Variants in TAFAZZIN observed in about 807,000 individuals in gnomAD.
The protein encoded by TAFAZZIN is protein G4.5.
In TAFAZZIN, 6 loss-of-function variants were observed where a neutral mutation model predicts 27.3. The observed-to-expected ratio is 0.22, with a 90% CI of 0.12 to 0.43. The LOEUF (loss-of-function observed/expected upper bound fraction) is 0.43. TAFAZZIN is among the 20% of genes least tolerant of loss of function. TAFAZZIN has a pLI of 1.00. For missense variants in TAFAZZIN, 127 were observed against 244.5 expected (o/e 0.52, Z 3.21); for synonymous variants, 79 against 96.2 (o/e 0.82, Z 1.04).
At chrX:154,414,738 C>G (rs868922152) in intron 5 of TAFAZZIN, among the ~76,000 whole-genome samples, 1 of 106,858 alleles carries the variant, frequency 9.4e-6, no homozygotes, top group Non-Finnish European at 1.9e-5. Context: ...TGCCTGTAAT[C>G]CCAGCACTCT....
chrX:154,421,058 A>G lies in TAFAZZIN; in HGVS notation c.*54A>G. 2 of 1,082,389 alleles carry G rather than the reference A, an allele frequency of 1.8e-6. No individual in the cohort carries two copies. Among genetic ancestry groups the G allele is most frequent in the Non-Finnish European group, 2.6e-6 (2 of 782,036 alleles). 89.2% of individuals were successfully genotyped at this position (1,082,389 alleles called of 1,213,427 possible). A position where few individuals can be genotyped will look rare whatever the true frequency, so the allele number is the denominator to read the frequency against. On this transcript the variant is annotated 3_prime_UTR_variant, in exon 11 of 11. Coordinates refer to ENST00000601016, the MANE Select transcript of TAFAZZIN (RefSeq NM_000116.5). ...GCCCGCACAGAGCTGGGGCTGAGGG[A>G]TGGACTGATGCTTTTAGCTCAAACG...
At chrX:154,416,445 AAAAG>A (rs2148203095) in intron 5 of TAFAZZIN, among the ~76,000 whole-genome samples, 1 of 111,368 alleles carries the variant, frequency 9.0e-6, no homozygotes, top group South Asian at 3.7e-4. Flanking sequence ...AAAAAAAAAA[AAAAG>A]AGAGAGATAC....
At chrX:154,420,589 C>T in intron 9 of TAFAZZIN, 69 bp from the exon 10 acceptor site, 10 of 1,146,608 alleles carry the variant, frequency 8.7e-6, no homozygotes, top group Non-Finnish European at 1.2e-5. Context: ...CTTCTGGCTC[C>T]CGGGTTGCTT....
rs1290937755 is a variant in TAFAZZIN, at chrX:154,420,820, C to T, written c.778-83C>T. 5 of 1,180,429 alleles carry T rather than the reference C, an allele frequency of 4.2e-6. No individual in the cohort carries two copies. In the African/African-American group the frequency reaches 5.3e-5, roughly 13 times the overall value. Reference sequence around the variant, plus strand: ...CAGGGTGCCTCCACCCTCTCCATCCCGTCACCCTCCCAGGGCACCCTCCCA... The same window carrying T: ...CAGGGTGCCTCCACCCTCTCCATCCTGTCACCCTCCCAGGGCACCCTCCCA... On this transcript the variant is annotated intron_variant, in intron 10 of 10. Coordinates refer to ENST00000601016, the MANE Select transcript of TAFAZZIN (RefSeq NM_000116.5).
chrX:154,420,611 G>A lies in TAFAZZIN; in HGVS notation c.700-47G>A, dbSNP rs200164202. The A allele has an allele frequency of 1.7e-4, 197 of 1,192,801 alleles. No homozygotes were observed. In the African/African-American group the frequency reaches 2.9e-3, roughly 17 times the overall value. ...CTCCCGGGTTGCTTGGGCTGGGGCT[G>A]TGGGCACTCCTACTGCTCCTCATCA... On this transcript the variant is annotated intron_variant, in intron 9 of 10. Transcript: ENST00000601016.
At position 154,414,471 on chromosome X, in the gene TAFAZZIN, T is replaced by A. The variant is rs1375660855; in HGVS notation, c.460+281T>A. Among the ~76,000 whole-genome samples, 10 of 111,516 alleles carry A rather than the reference T, an allele frequency of 9.0e-5. No individual in the cohort carries two copies. The East Asian group carries it at 2.8e-3, about 31-fold the overall frequency. ...ACTTTGGGAGGCTGAGGCCAGCGGATCACGAGGTCAGGAGATCGAGACCAT... is the reference window on the plus strand; with the variant it reads ...ACTTTGGGAGGCTGAGGCCAGCGGAACACGAGGTCAGGAGATCGAGACCAT... On this transcript the variant is annotated intron_variant, in intron 5 of 10. Coordinates refer to ENST00000601016, the MANE Select transcript of TAFAZZIN (RefSeq NM_000116.5).
At position 154,421,466 on chromosome X, in the gene TAFAZZIN, T is replaced by C. The variant is rs113739437; in HGVS notation, c.*462T>C. 2.7e-5 allele frequency: 9 copies of C among 330,998 alleles called. No homozygotes were observed. Among genetic ancestry groups the C allele is most frequent in the African/African-American group, 5.2e-5 (2 of 38,107 alleles). 27.3% of individuals were successfully genotyped at this position (330,998 alleles called of 1,213,427 possible). ...GGCCACGTCTTCCTTCTGCCTGAGC[T>C]TCCCCCCCACCACAGGCCCTTTCCT... On this transcript the variant is annotated 3_prime_UTR_variant, in exon 11 of 11. Transcript: ENST00000601016.
Position 154,411,687 on chromosome X carries a change from AG to A in TAFAZZIN, c.-154del, listed in dbSNP as rs782530901. The A allele has an allele frequency of 5.7e-6, 3 of 529,500 alleles. No individual in the cohort carries two copies. The Admixed American group carries it at 8.2e-5, about 14-fold the overall frequency. 43.6% of individuals were successfully genotyped at this position (529,500 alleles called of 1,213,427 possible). A position where few individuals can be genotyped will look rare whatever the true frequency, so the allele number is the denominator to read the frequency against. ...GGCGCTGCTCCGGCCTGACCTGCGA[AG>A]GGACCTCGGTCCAGTCCCCTGTTGC... On this transcript the variant is annotated 5_prime_UTR_variant, in exon 1 of 11. Transcript: ENST00000601016.
At chrX:154,413,441 G>A (rs782410816) in intron 3 of TAFAZZIN, 41 bp from the exon 4 acceptor site, 4 of 1,207,589 alleles carry the variant, frequency 3.3e-6, no homozygotes, top group Non-Finnish European at 4.5e-6. Flanking sequence ...TGGTGGAGCG[G>A]GGTGCAGGGG....
intron 5 of TAFAZZIN, 24 bp downstream of exon 5, chrX:154,414,214 A>T (rs924295944): frequency 1.7e-6 from 2 of 1,178,001 alleles, no homozygotes; most frequent in Non-Finnish European, 2.3e-6. Context: ...AGCGGTTCAC[A>T]CTTGTCATCC....
chrX:154,412,546 T>G, intron 2 of TAFAZZIN: 3 of 280,416 alleles, frequency 1.1e-5, no homozygotes, highest in Non-Finnish European at 1.9e-5. Context: ...GGGTTGGACA[T>G]AGGATATCCT....
chrX:154,414,167 G>T lies in TAFAZZIN; in HGVS notation c.437G>T (p.Gly146Val), dbSNP rs782401618. ...GVLDTGRHMP[G>V]AGKRREKGDG... The stretch of plus-strand genomic sequence containing the variant: ...CTAGACACAGGCAGGCACATGCCAG[G>T]TGCTGGAAAAAGAAGAGAGAAAGGT... The change falls in exon 5 of 11, where the codon GGT becomes GTT. Residue 146 changes from glycine to valine, a missense_variant. Around this residue, in one of 3 missense-constraint regions of TAFAZZIN, gnomAD observed 79 missense variants for 188.7 expected, o/e 0.42. Coordinates refer to ENST00000601016, the MANE Select transcript of TAFAZZIN (RefSeq NM_000116.5). The T allele has an allele frequency of 1.7e-6, 2 of 1,207,870 alleles. No homozygotes were observed. Among genetic ancestry groups the T allele is most frequent in the African/African-American group, 3.5e-5 (2 of 56,876 alleles).
chrX:154,412,451 A>C, intron 2 of TAFAZZIN: 1 of 431,500 alleles, frequency 2.3e-6, no homozygotes. Context: ...CACAGGGCAT[A>C]TCTTACAGCT....
intron 5 of TAFAZZIN, among the ~76,000 whole-genome samples, chrX:154,417,889 G>T (rs1192924827): frequency 8.9e-6 from 1 of 111,882 alleles, no homozygotes; most frequent in Admixed American, 9.5e-5. Context: ...CTTCAGCAAA[G>T]AACTAATAAT....
chrX:154,413,712 GA>G, intron 4 of TAFAZZIN, 145 bp downstream of exon 4: 1 of 553,628 alleles, frequency 1.8e-6, no homozygotes, highest in Non-Finnish European at 3.0e-6. Context: ...CAGCAGAGGG[GA>G]CAGAGGCTGT....
chrX:154,416,084 C>A (rs946841159), intron 5 of TAFAZZIN, among the ~76,000 whole-genome samples: 7 of 107,474 alleles, frequency 6.5e-5, no homozygotes, highest in African/African-American at 2.4e-4. Flanking sequence ...CATGGCGAAA[C>A]CCCGTCTCTA....
At chrX:154,415,795 C>T (rs1294958881) in intron 5 of TAFAZZIN, among the ~76,000 whole-genome samples, 4 of 100,704 alleles carry the variant, frequency 4.0e-5, no homozygotes, top group African/African-American at 7.5e-5. Flanking sequence ...GTGGGAGAAT[C>T]GCTTGAACCC....
chrX:154,419,778 C>A, intron 7 of TAFAZZIN, 32 bp downstream of exon 7: 1 of 1,211,310 alleles, frequency 8.3e-7, no homozygotes. Flanking sequence ...CCACAGCCAT[C>A]CTCCCGGCCC....
intron 5 of TAFAZZIN, among the ~76,000 whole-genome samples, chrX:154,416,115 C>A (rs1361355932): frequency 9.5e-6 from 1 of 105,367 alleles, no homozygotes; most frequent in African/African-American, 3.5e-5. Flanking sequence ...AAAAATTAGC[C>A]GAGGCTGGGC....
Sources: allele counts gnomAD v4.1 joint callset (sites outside exome capture counted in the v4.1 genomes callset), GRCh38; gene constraint gnomAD v4.1.1; regional missense constraint gnomAD v4.1.1; transcripts MANE v1.5; gene names NCBI Gene and HGNC (gene_info 2026-07-23, HGNC 2026-07-21).